The following ARF4 variants were observed in gnomAD, a reference collection of about 807,000 sequenced individuals.
ARF4 encodes ARF GTPase 4.
A neutral mutation model predicts 24.3 loss-of-function variants in ARF4; 5 were observed. That is an observed-to-expected ratio of 0.21 (90% CI 0.11 to 0.43). The LOEUF is 0.43. ARF4 is among the 20% of genes least tolerant of loss of function. ARF4 has a pLI of 1.00. For missense variants in ARF4, 107 were observed against 213.0 expected, an observed-to-expected ratio of 0.50 and a Z score of 3.10; for synonymous variants, 62 against 73.5, an observed-to-expected ratio of 0.84 and a Z score of 0.80.
chr3:57,584,507 C>T, intron 1 of ARF4, 43 bp from the exon 2 acceptor site: 1 of 1,481,792 alleles, frequency 6.7e-7, no homozygotes, highest in Non-Finnish European at 9.4e-7. Flanking sequence ...ACCAAAAGCA[C>T]ACTCCAAGAA....
intron 1 of ARF4, among the ~76,000 whole-genome samples, chr3:57,593,069 T>C (rs1471176470): frequency 3.3e-5 from 5 of 151,972 alleles, no homozygotes; most frequent in African/African-American, 1.2e-4. Flanking sequence ...TAGCCGGGCA[T>C]AGTGGCGCCT....
At position 57,575,624 on chromosome 3, in the gene ARF4, T is replaced by C. The variant is rs2069894050; in HGVS notation, c.380A>G (p.Lys127Arg). Residue 127 changes from lysine to arginine, a missense_variant, in exon 5 of 6, where the codon AAA becomes AGA. Coordinates refer to ENST00000303436, the MANE Select transcript of ARF4 (RefSeq NM_001660.4). ...GGCCATAGCATTTGGCAAATCCTGTTTGTTTGCAAAAAGTAGCAGCACTGC... is the reference window on the plus strand; with the variant it reads ...GGCCATAGCATTTGGCAAATCCTGTCTGTTTGCAAAAAGTAGCAGCACTGC... ...RDAVLLLFANKQDLPNAMAIS... is the reference protein window; with the variant it reads ...RDAVLLLFANRQDLPNAMAIS... 1 of 1,613,612 alleles carries C rather than the reference T, an allele frequency of 6.2e-7. No homozygotes were observed. The highest frequency in any genetic ancestry group is 8.5e-7 in the Non-Finnish European group (1 of 1,179,840).
Position 57,597,293 on chromosome 3 carries a change from C to T in ARF4, c.-153G>A. 3 of 682,548 alleles carry T rather than the reference C, an allele frequency of 4.4e-6. No homozygotes were observed. Among genetic ancestry groups the T allele is most frequent in the African/African-American group, 3.6e-5 (2 of 54,854 alleles). The allele number at this position is 682,548 out of a possible 1,614,324, so 42.3% of individuals were successfully genotyped here. On this transcript the variant is annotated 5_prime_UTR_variant, in exon 1 of 6. Coordinates refer to ENST00000303436, the MANE Select transcript of ARF4 (RefSeq NM_001660.4). ...CAGAAACGTCTCAGTGGCCCCTGTGCCGATGAAGATCCGGCACAGGAATAA... is the reference window on the plus strand; with the variant it reads ...CAGAAACGTCTCAGTGGCCCCTGTGTCGATGAAGATCCGGCACAGGAATAA...
chr3:57,597,028 ACCCTG>A (rs993951889), intron 1 of ARF4, 41 bp downstream of exon 1: 4 of 1,596,382 alleles, frequency 2.5e-6, no homozygotes, highest in African/African-American at 1.3e-5. Flanking sequence ...AATTGTGGAG[ACCCTG>A]CCTTTCCCAG....
chr3:57,575,739 A>T, intron 4 of ARF4, 66 bp from the exon 5 acceptor site: 1 of 1,497,526 alleles, frequency 6.7e-7, no homozygotes, highest in Non-Finnish European at 9.0e-7. Flanking sequence ...ATGTCTTCCT[A>T]TATATACTTT....
chr3:57,596,204 A>G (rs1395348963), intron 1 of ARF4, among the ~76,000 whole-genome samples: 2 of 152,182 alleles, frequency 1.3e-5, no homozygotes, highest in African/African-American at 4.8e-5. Context: ...AACTTTCTAA[A>G]AAGAAATTTT....
chr3:57,596,709 G>A (rs2070191211), intron 1 of ARF4: 25 of 241,466 alleles, frequency 1.0e-4, no homozygotes, highest in Middle Eastern at 1.6e-3. Context: ...CCACACCCGG[G>A]CAAGAAGGTA....
chr3:57,581,978 G>A (rs571097461), intron 3 of ARF4, among the ~76,000 whole-genome samples: 4 of 152,150 alleles, frequency 2.6e-5, no homozygotes, highest in Non-Finnish European at 5.9e-5. Context: ...AAAACTTCCC[G>A]AGCACCAACA....
At chr3:57,579,003 TG>T (rs1350433413) in intron 3 of ARF4, among the ~76,000 whole-genome samples, 1 of 152,096 alleles carries the variant, frequency 6.6e-6, no homozygotes, top group Non-Finnish European at 1.5e-5. Flanking sequence ...TACTGATTTA[TG>T]TAAGTAACGA....
At chr3:57,576,855 A>G (rs1315603804) in intron 4 of ARF4, among the ~76,000 whole-genome samples, 1 of 152,186 alleles carries the variant, frequency 6.6e-6, no homozygotes, top group Non-Finnish European at 1.5e-5. Flanking sequence ...GGTTACTATT[A>G]AAAAACATTT....
chr3:57,592,231 G>A (rs2070124435), intron 1 of ARF4, among the ~76,000 whole-genome samples: 1 of 152,170 alleles, frequency 6.6e-6, no homozygotes, highest in Non-Finnish European at 1.5e-5. Context: ...ACTCATGCCT[G>A]TAATCGCAGC....
chr3:57,584,538 T>A, intron 1 of ARF4, 74 bp from the exon 2 acceptor site: 1 of 1,340,812 alleles, frequency 7.5e-7, no homozygotes, highest in Non-Finnish European at 1.1e-6. Flanking sequence ...AATAAATTTA[T>A]AGTTCAAAAC....
intron 1 of ARF4, chr3:57,596,834 G>T: frequency 2.0e-6 from 1 of 511,774 alleles, no homozygotes; most frequent in Non-Finnish European, 3.5e-6. Flanking sequence ...AGAAAAAGCC[G>T]AGTCCAGAAA....
In ARF4 at chr3:57,587,629, T is replaced by C. The variant is rs747732063; in HGVS notation, c.68-3165A>G. Among the ~76,000 whole-genome samples the C allele has an allele frequency of 2.0e-5, 3 of 152,268 alleles. No homozygotes were observed. The East Asian group carries it at 5.8e-4, about 29-fold the overall frequency. ...GTTGGGCTGTTTACATTTCCTGATGTATCTTTTTGAAGACGACTGCTTGAG... is the reference window on the plus strand; with the variant it reads ...GTTGGGCTGTTTACATTTCCTGATGCATCTTTTTGAAGACGACTGCTTGAG... On this transcript the variant is annotated intron_variant, in intron 1 of 5. Coordinates refer to ENST00000303436, the MANE Select transcript of ARF4 (RefSeq NM_001660.4).
chr3:57,584,383 C>A lies in ARF4; in HGVS notation c.148+1G>T. 1 of 1,604,862 alleles carries A rather than the reference C, an allele frequency of 6.2e-7. No homozygotes were observed. The highest frequency in any genetic ancestry group is 8.5e-7 in the Non-Finnish European group (1 of 1,172,194). ...ATAAAGTCATCTGTAAACTTTCTTA[C>A]CAATGGTAGGAATGGTGGTGACTAT... is the stretch of plus-strand genomic sequence containing the variant. On this transcript the variant is annotated splice_donor_variant, in intron 2 of 5. Coordinates refer to ENST00000303436, the MANE Select transcript of ARF4 (RefSeq NM_001660.4). LOFTEE classifies it high-confidence loss of function.
chr3:57,578,770 C>T (rs913202139), intron 3 of ARF4, among the ~76,000 whole-genome samples: 3 of 152,030 alleles, frequency 2.0e-5, no homozygotes, highest in Non-Finnish European at 4.4e-5. Context: ...TGAGCCATGG[C>T]ACCTGGCCCA....
chr3:57,575,748 T>C, intron 4 of ARF4, 75 bp from the exon 5 acceptor site: 1 of 1,422,288 alleles, frequency 7.0e-7, no homozygotes, highest in Non-Finnish European at 9.4e-7. Flanking sequence ...TATATATACT[T>C]TACTCAGCAT....
rs1002303791 is a variant in ARF4 at position 57,575,811 on chromosome 3, C to A, written c.331-138G>T. On this transcript the variant is annotated intron_variant, in intron 4 of 5. Coordinates refer to ENST00000303436, the MANE Select transcript of ARF4 (RefSeq NM_001660.4). ...TTTCTCGACACAAAGTTCACTCTTA[C>A]AACTGAAGTCTCATATCCTTCAGTT... 1.7e-5 allele frequency: 16 copies of A among 939,538 alleles called. No individual in the cohort carries two copies. In the Admixed American group the frequency reaches 4.4e-4, roughly 26 times the overall value. The allele number at this position is 939,538 out of a possible 1,614,324, so 58.2% of individuals were successfully genotyped here.
chr3:57,591,088 T>G (rs2070107050), intron 1 of ARF4, among the ~76,000 whole-genome samples: 1 of 152,176 alleles, frequency 6.6e-6, no homozygotes, highest in South Asian at 2.1e-4. Flanking sequence ...AACCTGAGTC[T>G]TGCAGAAAAA....
Sources: gnomAD v4.1 joint callset for allele counts (sites outside exome capture counted in the v4.1 genomes callset) on GRCh38, gnomAD v4.1.1 for gene constraint, MANE v1.5 for transcripts, NCBI Gene and HGNC (gene_info 2026-07-23, HGNC 2026-07-21) for gene names.